Variants in OSBP2 observed in about 807,000 individuals in gnomAD.
The protein encoded by OSBP2 is oxysterol-binding protein 2.
In OSBP2, 66 loss-of-function variants were observed where a neutral mutation model predicts 96.0. The observed-to-expected ratio is 0.69, with a 90% CI of 0.56 to 0.84. OSBP2 has a LOEUF of 0.84. OSBP2 is among the 40% of genes least tolerant of loss of function. The pLI, the probability that OSBP2 is intolerant of heterozygous loss-of-function variation, is 0.00. For missense variants in OSBP2, 1,038 were observed against 1,222.7 expected, an observed-to-expected ratio of 0.85 and a Z score of 2.25; for synonymous variants, 525 against 520.9, an observed-to-expected ratio of 1.01 and a Z score of -0.11.
intron 2 of OSBP2, among the ~76,000 whole-genome samples, chr22:30,803,708 G>T (rs2090887673): frequency 6.6e-6 from 1 of 152,222 alleles, no homozygotes; most frequent in Non-Finnish European, 1.5e-5. Flanking sequence ...GGGCTTCGGG[G>T]CGAGGGTCAC....
intron 2 of OSBP2, among the ~76,000 whole-genome samples, chr22:30,789,599 C>T (rs775704353): frequency 2.0e-5 from 3 of 152,182 alleles, no homozygotes; most frequent in Admixed American, 6.5e-5. Context: ...GAAGAGCCTA[C>T]GGACAGTCCG....
intron 2 of OSBP2, among the ~76,000 whole-genome samples, chr22:30,868,975 A>G (rs990193159): frequency 4.6e-5 from 7 of 152,264 alleles, no homozygotes; most frequent in African/African-American, 1.2e-4. Flanking sequence ...ATTTCTAAAC[A>G]AGGCATTTCA....
At chr22:30,879,934 C>G (rs2039666417) in intron 3 of OSBP2, among the ~76,000 whole-genome samples, 2 of 152,106 alleles carry the variant, frequency 1.3e-5, no homozygotes, top group South Asian at 4.1e-4. Context: ...TGCCTGTAGT[C>G]CCAGCTCCTC....
intron 1 of OSBP2, among the ~76,000 whole-genome samples, chr22:30,696,896 T>G (rs2089050052): frequency 1.3e-5 from 2 of 151,968 alleles, no homozygotes; most frequent in African/African-American, 4.8e-5. Flanking sequence ...TGACCTCAGG[T>G]GATTCGCCTG....
At chr22:30,869,814 G>T (rs2039421317) in intron 2 of OSBP2, among the ~76,000 whole-genome samples, 1 of 152,208 alleles carries the variant, frequency 6.6e-6, no homozygotes, top group Non-Finnish European at 1.5e-5. Context: ...GGTGGGGCAG[G>T]ACCTCTGGTG....
At position 30,730,716 on chromosome 22, in the gene OSBP2, GTCTCTCTCTCTCTCTCTCTCTC is replaced by G. The variant is rs1191165719; in HGVS notation, c.645-10407_645-10386del. On this transcript the variant is annotated intron_variant, in intron 1 of 13. Coordinates refer to ENST00000332585, the MANE Select transcript of OSBP2 (RefSeq NM_030758.4). ...CATCTGGATTCAGATTCGCTGCCCT[GTCTCTCTCTCTCTCTCTCTCTC>G]TCTCTCTCTCTCTCTCTCTCTCTCT... Among the ~76,000 whole-genome samples the G allele has an allele frequency of 7.7e-3, 154 of 19,948 alleles. 1 individual carries two copies. The highest frequency in any genetic ancestry group is 0.017 in the South Asian group (9 of 544). The allele number at this position is 19,948 out of a possible 152,430, so 13.1% of individuals were successfully genotyped here. A position where few individuals can be genotyped will look rare whatever the true frequency, so the allele number is the denominator to read the frequency against.
At chr22:30,769,689 A>T (rs1602238187) in intron 2 of OSBP2, among the ~76,000 whole-genome samples, 1 of 152,102 alleles carries the variant, frequency 6.6e-6, no homozygotes, top group Admixed American at 6.6e-5. Context: ...ATAATACAAA[A>T]CAGTCTAGGT....
intron 12 of OSBP2, among the ~76,000 whole-genome samples, chr22:30,897,267 G>A (rs2040086729): frequency 6.6e-6 from 1 of 152,136 alleles, no homozygotes; most frequent in African/African-American, 2.4e-5. Flanking sequence ...TCACCACAGT[G>A]GGAAATTAGG....
At chr22:30,829,729 A>C (rs554005707) in intron 2 of OSBP2, among the ~76,000 whole-genome samples, 2 of 152,246 alleles carry the variant, frequency 1.3e-5, no homozygotes, top group East Asian at 3.8e-4. Context: ...ATAAATCTAT[A>C]GTGTCTGTTG....
At chr22:30,839,846 A>G (rs2038711591) in intron 2 of OSBP2, among the ~76,000 whole-genome samples, 1 of 151,896 alleles carries the variant, frequency 6.6e-6, no homozygotes, top group Non-Finnish European at 1.5e-5. Context: ...CTTTAGTTTA[A>G]TTAGATCCCA....
intron 3 of OSBP2, among the ~76,000 whole-genome samples, chr22:30,880,345 T>C (rs1203725870): frequency 1.3e-5 from 2 of 151,852 alleles, no homozygotes; most frequent in Non-Finnish European, 1.5e-5. Flanking sequence ...ACACGTCAGA[T>C]GCCTGGCAGG....
At position 30,891,220 on chromosome 22, in the gene OSBP2, C is replaced by A. The variant is rs149666733; in HGVS notation, c.1869+247C>A. ...GTGAGGACAAGGTCAGGCCTGGTTG[C>A]AGGGAGCGGGAGGATAAGCTCCAGT... On this transcript the variant is annotated intron_variant, in intron 8 of 13. Transcript: ENST00000332585. Among the ~76,000 whole-genome samples the A allele has an allele frequency of 2.0e-5, 3 of 152,338 alleles. No individual in the cohort carries two copies. The East Asian group carries it at 5.8e-4, about 29-fold the overall frequency.
intron 2 of OSBP2, among the ~76,000 whole-genome samples, chr22:30,789,232 C>T (rs1001873623): frequency 2.6e-5 from 4 of 152,128 alleles, no homozygotes; most frequent in East Asian, 1.9e-4. Context: ...CAGTGCTCAA[C>T]GGCTCTCAGA....
At chr22:30,835,931 C>G (rs1449276548) in intron 2 of OSBP2, among the ~76,000 whole-genome samples, 1 of 151,930 alleles carries the variant, frequency 6.6e-6, no homozygotes, top group Non-Finnish European at 1.5e-5. Context: ...GTTGCCCAGG[C>G]TGGTTTTGAA....
intron 2 of OSBP2, among the ~76,000 whole-genome samples, chr22:30,745,824 G>A (rs1159652255): frequency 2.0e-5 from 3 of 151,850 alleles, no homozygotes; most frequent in Non-Finnish European, 2.9e-5. Flanking sequence ...GAGAAGACTC[G>A]AATTACTGAA....
chr22:30,902,678 C>T (rs1043122447), intron 12 of OSBP2: 1 of 558,478 alleles, frequency 1.8e-6, no homozygotes, highest in Non-Finnish European at 3.4e-6. Flanking sequence ...CCAGCTTAAA[C>T]CTCGAATGTT....
chr22:30,867,836 G>A (rs2039376273), intron 2 of OSBP2, among the ~76,000 whole-genome samples: 1 of 152,216 alleles, frequency 6.6e-6, no homozygotes, highest in Non-Finnish European at 1.5e-5. Flanking sequence ...TTACAGAGCA[G>A]GGGTCACATT....
rs541616814 is a variant in OSBP2 at position 30,904,137 on chromosome 22, AG to A, written c.2376-1697del. On this transcript the variant is annotated intron_variant, in intron 12 of 13. Transcript: ENST00000332585. The stretch of plus-strand genomic sequence containing the variant: ...AGCAGTTGGGGGGTGGCTGGCAGCA[AG>A]GGCCTAGGAAAGAGACCCTTGCAGG... 2.4e-3 allele frequency among the ~76,000 whole-genome samples: 368 copies of A among 152,340 alleles called. 2 individuals carry two copies. The highest frequency in any genetic ancestry group is 2.8e-3 in the Non-Finnish European group (192 of 68,032).
chr22:30,893,573 G>A lies in OSBP2; in HGVS notation c.2094+7G>A. The A allele has an allele frequency of 6.2e-7, 1 of 1,613,810 alleles. No homozygotes were observed. The highest frequency in any genetic ancestry group is 8.5e-7 in the Non-Finnish European group (1 of 1,179,734). ...CAAGCTCTGGATCGACCAGGTCAGG[G>A]GCGCCCTTGGGGAGGGGGTGCATGG... On this transcript the variant is annotated splice_region_variant and intron_variant, in intron 10 of 13. Transcript: ENST00000332585.
Sources: gnomAD v4.1 joint callset for allele counts (sites outside exome capture counted in the v4.1 genomes callset) on GRCh38, gnomAD v4.1.1 for gene constraint, MANE v1.5 for transcripts, NCBI Gene and HGNC (gene_info 2026-07-23, HGNC 2026-07-21) for gene names.